The following IL23R variants were observed in gnomAD, a reference collection of about 807,000 sequenced individuals.
The protein encoded by IL23R is interleukin 23 receptor.
In IL23R, 34 loss-of-function variants were observed where a neutral mutation model predicts 56.9. The ratio of observed to expected loss-of-function variants is 0.60; its 90% CI spans 0.45 to 0.80. The LOEUF is 0.80. Ranked by LOEUF, IL23R falls within the 30% of genes least tolerant of loss-of-function variation. The pLI is 0.00. For synonymous variants in IL23R, 230 were observed against 249.2 expected, an observed-to-expected ratio of 0.92 and a Z score of 0.73; for missense variants, 635 against 730.0, an observed-to-expected ratio of 0.87 and a Z score of 1.50.
At chr1:67,162,019 G>T (rs765635219), upstream of IL23R, among the ~76,000 whole-genome samples, 1 of 152,014 alleles carries the variant, frequency 6.6e-6, no homozygotes, top group African/African-American at 2.4e-5. Flanking sequence ...AGACGAGGCT[G>T]TTAAAGACAC....
intron 9 of IL23R, among the ~76,000 whole-genome samples, chr1:67,245,957 G>A (rs992526431): frequency 6.6e-6 from 1 of 152,064 alleles, no homozygotes; most frequent in East Asian, 1.9e-4. Flanking sequence ...TTTTTGATTG[G>A]TAGGCTATTA....
intron 4 of IL23R, among the ~76,000 whole-genome samples, chr1:67,198,684 C>T (rs1648367967): frequency 6.6e-6 from 1 of 152,208 alleles, no homozygotes; most frequent in Admixed American, 6.5e-5. Context: ...GTGGCTCATG[C>T]CTATAATCCC....
intron 4 of IL23R, among the ~76,000 whole-genome samples, chr1:67,195,829 C>A (rs2102612500): frequency 6.6e-6 from 1 of 152,220 alleles, no homozygotes; most frequent in East Asian, 1.9e-4. Flanking sequence ...TTCTATAGTA[C>A]TTAGATGCAC....
At chr1:67,192,325 G>T (rs911605574) in intron 4 of IL23R, among the ~76,000 whole-genome samples, 6 of 152,152 alleles carry the variant, frequency 3.9e-5, no homozygotes, top group African/African-American at 1.4e-4. Flanking sequence ...AAGTCCTTGG[G>T]AACAGTTCTT....
chr1:67,221,712 C>T (rs963690355), intron 7 of IL23R, among the ~76,000 whole-genome samples: 1 of 152,134 alleles, frequency 6.6e-6, no homozygotes, highest in Non-Finnish European at 1.5e-5. Flanking sequence ...TTATTATAAT[C>T]CCAGTATGAA....
intron 4 of IL23R, 41 bp downstream of exon 4, chr1:67,183,000 C>G (rs1349936823): frequency 6.2e-7 from 1 of 1,610,994 alleles, no homozygotes; most frequent in Admixed American, 1.7e-5. Flanking sequence ...CAGTTCCACC[C>G]CAGTTCAGCC....
chr1:67,238,470 C>A (rs568007746), intron 8 of IL23R, among the ~76,000 whole-genome samples: 1 of 152,252 alleles, frequency 6.6e-6, no homozygotes, highest in South Asian at 2.1e-4. Flanking sequence ...TTATAGATGC[C>A]TACACAGACC....
chr1:67,164,730 T>C (rs1319677642), upstream of IL23R, among the ~76,000 whole-genome samples: 3 of 152,216 alleles, frequency 2.0e-5, no homozygotes, highest in Non-Finnish European at 4.4e-5. Flanking sequence ...GCTCTTCATC[T>C]TCAATCAATT....
upstream of IL23R, among the ~76,000 whole-genome samples, chr1:67,162,957 T>C (rs570115322): frequency 3.3e-5 from 5 of 152,236 alleles, no homozygotes; most frequent in South Asian, 8.3e-4. Flanking sequence ...AGAGCTAGAG[T>C]TGTATGTTGA....
chr1:67,226,141 T>C (rs1338150305), intron 7 of IL23R, among the ~76,000 whole-genome samples: 2 of 152,292 alleles, frequency 1.3e-5, no homozygotes, highest in South Asian at 2.1e-4. Flanking sequence ...GTGAGCACCT[T>C]GGGGCTCCAG....
At chr1:67,218,554 T>C (rs1445213590) in intron 6 of IL23R, among the ~76,000 whole-genome samples, 1 of 151,962 alleles carries the variant, frequency 6.6e-6, no homozygotes, top group East Asian at 1.9e-4. Context: ...AGACAATTGC[T>C]ATCAGCTACC....
At chr1:67,148,337 C>G (rs1157407296) in intron 1 of IL23R, among the ~76,000 whole-genome samples, 2 of 152,192 alleles carry the variant, frequency 1.3e-5, no homozygotes, top group Non-Finnish European at 1.5e-5. Flanking sequence ...ACAGAGCTCC[C>G]ATAGAAGGGG....
In IL23R at chr1:67,219,747, A is replaced by C. The variant is rs372841219; in HGVS notation, c.955+17A>C. 32 of 1,609,484 alleles carry C rather than the reference A, an allele frequency of 2.0e-5. No homozygotes were observed. Among genetic ancestry groups the C allele is most frequent in the Non-Finnish European group, 2.7e-5 (32 of 1,175,928 alleles). On this transcript the variant is annotated intron_variant, in intron 7 of 10. Coordinates refer to ENST00000347310, the MANE Select transcript of IL23R (RefSeq NM_144701.3). ...CTGAAACAGGTGAGTGTACTTATATATTTTATTCTGTTGGGCTTTTCTTTA... is the reference window on the plus strand; with the variant it reads ...CTGAAACAGGTGAGTGTACTTATATCTTTTATTCTGTTGGGCTTTTCTTTA...
intron 1 of IL23R, among the ~76,000 whole-genome samples, chr1:67,167,221 C>T (rs1394629358): frequency 2.0e-5 from 3 of 152,130 alleles, no homozygotes; most frequent in Admixed American, 6.5e-5. Context: ...CCGTCACATG[C>T]CACCACACTG....
At chr1:67,251,054 C>T (rs138910886) in intron 9 of IL23R, among the ~76,000 whole-genome samples, 4 of 152,248 alleles carry the variant, frequency 2.6e-5, no homozygotes, top group Non-Finnish European at 5.9e-5. Flanking sequence ...TATCTTAGGG[C>T]CTCTCATGTG....
rs1558243571 is a variant in IL23R at position 67,206,922 on chromosome 1, C to T, written c.665C>T (p.Ala222Val). ...IHLDDIVIPS[A>V]AVISRAETIN... ...TTTTTTTTTCTAGTGATACCTTCTG[C>T]AGCCGTCATTTCCAGGGCTGAGACT... The change falls in exon 6 of 11, where the codon GCA becomes GTA. Residue 222 changes from alanine (A) to valine (V), a missense_variant. Physicochemically the swap from Ala to Val is moderately conservative, Grantham distance 64 (BLOSUM62 0). Transcript: ENST00000347310. 5 of 1,257,980 alleles carry T rather than the reference C, an allele frequency of 4.0e-6. No individual in the cohort carries two copies. The highest frequency in any genetic ancestry group is 3.1e-5 in the East Asian group (1 of 32,508). The allele number at this position is 1,257,980 out of a possible 1,614,324, so 77.9% of individuals were successfully genotyped here. A position where few individuals can be genotyped will look rare whatever the true frequency, so the allele number is the denominator to read the frequency against.
chr1:67,244,529 A>G, intron 9 of IL23R, among the ~76,000 whole-genome samples: 1 of 152,056 alleles, frequency 6.6e-6, no homozygotes, highest in East Asian at 1.9e-4. Flanking sequence ...CCTTATGCAT[A>G]TGGCTAGCCA....
chr1:67,167,689 A>C (rs1052496560), intron 1 of IL23R, among the ~76,000 whole-genome samples: 2 of 152,112 alleles, frequency 1.3e-5, no homozygotes, highest in African/African-American at 4.8e-5. Context: ...ATGCCGCTGC[A>C]CTCCAGCCTG....
At chr1:67,235,214 A>G (rs1180769182) in intron 7 of IL23R, among the ~76,000 whole-genome samples, 2 of 152,118 alleles carry the variant, frequency 1.3e-5, no homozygotes, top group Non-Finnish European at 2.9e-5. Flanking sequence ...ACAATTTCTG[A>G]TTTGTCACAA....
Sources: allele counts gnomAD v4.1 joint callset (sites outside exome capture counted in the v4.1 genomes callset), GRCh38; gene constraint gnomAD v4.1.1; transcripts MANE v1.5; gene names NCBI Gene and HGNC (gene_info 2026-07-23, HGNC 2026-07-21).